The following NLN variants were observed in gnomAD, a reference collection of about 807,000 sequenced individuals.
The protein encoded by NLN is neurolysin.
Under a neutral mutation model 79.9 loss-of-function variants are expected in NLN, and 64 were observed. The observed-to-expected ratio is 0.80, with a 90% confidence interval of 0.65 to 0.99. The LOEUF is 0.99. Ranked by LOEUF, NLN falls within the 50% of genes least tolerant of loss-of-function variation. The probability of loss-of-function intolerance (pLI) is 0.00; values close to 1 mark genes in which losing one functional copy is unlikely to be tolerated. For synonymous variants in NLN, 267 were observed against 296.6 expected, an observed-to-expected ratio of 0.90 and a Z score of 1.02; for missense variants, 835 against 858.7, an observed-to-expected ratio of 0.97 and a Z score of 0.34.
At chr5:65,803,941 T>C (rs1003922108) in intron 9 of NLN, among the ~76,000 whole-genome samples, 8 of 152,224 alleles carry the variant, frequency 5.3e-5, no homozygotes, top group African/African-American at 1.7e-4. Flanking sequence ...AAGTTCAGGA[T>C]AGATGGTTAC....
intron 5 of NLN, among the ~76,000 whole-genome samples, chr5:65,781,029 A>G (rs1759789462): frequency 6.6e-6 from 1 of 152,134 alleles, no homozygotes; most frequent in Non-Finnish European, 1.5e-5. Flanking sequence ...TCATTTGCAC[A>G]AGTTTACTGA....
chr5:65,787,886 A>G (rs1759965912), intron 7 of NLN, among the ~76,000 whole-genome samples: 1 of 152,194 alleles, frequency 6.6e-6, no homozygotes, highest in South Asian at 2.1e-4. Flanking sequence ...GGGTGTTAAA[A>G]GAAAAAGGGG....
intron 1 of NLN, chr5:65,722,654 A>T: frequency 1.9e-6 from 1 of 516,488 alleles, no homozygotes; most frequent in South Asian, 2.4e-5. Context: ...GGACTGCCTC[A>T]GCCGCAGTCA....
chr5:65,772,242 A>G (rs915937626), intron 3 of NLN, among the ~76,000 whole-genome samples: 1 of 152,160 alleles, frequency 6.6e-6, no homozygotes, highest in African/African-American at 2.4e-5. Flanking sequence ...GATGTTATCT[A>G]TTAATATGTC....
At chr5:65,808,017 C>T (rs1305878237) in intron 9 of NLN, among the ~76,000 whole-genome samples, 1 of 152,036 alleles carries the variant, frequency 6.6e-6, no homozygotes, top group Non-Finnish European at 1.5e-5. Flanking sequence ...TATCATATAC[C>T]ATAATGAGAT....
rs1466263605 is a variant in NLN, at chr5:65,734,277, G to A, written c.41+11863G>A. Among the ~76,000 whole-genome samples the A allele has an allele frequency of 1.4e-5, 2 of 139,414 alleles. 1 individual carries two copies. Among genetic ancestry groups the A allele is most frequent in the Middle Eastern group, 6.8e-3 (2 of 292 alleles). The allele number at this position is 139,414 out of a possible 152,430, so 91.5% of individuals were successfully genotyped here. ...GGCCTTCCACAGTGCTGGGTTTACA[G>A]GCATGAGCAGCCTGGCCCGGTCAGG... On this transcript the variant is annotated intron_variant, in intron 1 of 12. Coordinates refer to ENST00000380985, the MANE Select transcript of NLN (RefSeq NM_020726.5).
At chr5:65,791,613 C>T (rs952259443) in intron 8 of NLN, among the ~76,000 whole-genome samples, 16 of 151,996 alleles carry the variant, frequency 1.1e-4, no homozygotes, top group Non-Finnish European at 1.9e-4. Flanking sequence ...ATACCAGCTA[C>T]TCAGGAGGCA....
chr5:65,799,935 C>A (rs1760247947), intron 9 of NLN, among the ~76,000 whole-genome samples: 1 of 152,052 alleles, frequency 6.6e-6, no homozygotes, highest in Admixed American at 6.5e-5. Context: ...AAATACCTTG[C>A]CTTGTTATAT....
intron 1 of NLN, among the ~76,000 whole-genome samples, chr5:65,743,835 A>C (rs1242129949): frequency 6.6e-6 from 1 of 152,146 alleles, no homozygotes. Context: ...AAAGACACAA[A>C]TCTGGTCTAA....
intron 1 of NLN, among the ~76,000 whole-genome samples, chr5:65,756,723 G>A (rs766152808): frequency 2.6e-5 from 4 of 152,020 alleles, no homozygotes; most frequent in South Asian, 2.1e-4. Flanking sequence ...GGCTGGTCTC[G>A]AACCCTGGAC....
At chr5:65,744,929 T>C (rs771949739) in intron 1 of NLN, among the ~76,000 whole-genome samples, 21 of 152,138 alleles carry the variant, frequency 1.4e-4, no homozygotes, top group Admixed American at 2.6e-4. Flanking sequence ...ATAAAAGATG[T>C]AGATTATTTG....
intron 3 of NLN, among the ~76,000 whole-genome samples, chr5:65,776,574 C>T (rs185807939): frequency 3.3e-4 from 50 of 152,306 alleles, no homozygotes; most frequent in Admixed American, 9.1e-4. Flanking sequence ...AAACTGAATC[C>T]ATTACACCTG....
Position 65,825,686 on chromosome 5 carries a change from C to T in NLN, c.*2771C>T, listed in dbSNP as rs1210771737. The T allele has an allele frequency of 2.0e-5, 3 of 152,042 alleles. No individual in the cohort carries two copies. Among genetic ancestry groups the T allele is most frequent in the Non-Finnish European group, 2.9e-5 (2 of 68,012 alleles). The allele number at this position is 152,042 out of a possible 1,614,324, so 9.4% of individuals were successfully genotyped here. ...TGAGAGGTGGATATCTGTAGCTCTT[C>T]GGATGAAAAATTGCATTGTGGGAGA... On this transcript the variant is annotated 3_prime_UTR_variant, in exon 13 of 13. Coordinates refer to ENST00000380985, the MANE Select transcript of NLN (RefSeq NM_020726.5).
chr5:65,773,012 G>A (rs1302367373), intron 3 of NLN, among the ~76,000 whole-genome samples: 1 of 150,964 alleles, frequency 6.6e-6, no homozygotes. Context: ...GAATACAGTG[G>A]CACAGTCACA....
chr5:65,799,708 T>C (rs1760242427), intron 9 of NLN, among the ~76,000 whole-genome samples: 1 of 152,204 alleles, frequency 6.6e-6, no homozygotes, highest in Admixed American at 6.5e-5. Flanking sequence ...TATTCAAAAC[T>C]TCTCCAAATT....
intron 1 of NLN, among the ~76,000 whole-genome samples, chr5:65,736,191 C>T (rs889582034): frequency 2.6e-5 from 4 of 152,158 alleles, no homozygotes; most frequent in Admixed American, 2.0e-4. Context: ...ATAAACATTA[C>T]AACAAATGTA....
intron 1 of NLN, among the ~76,000 whole-genome samples, chr5:65,730,841 C>G (rs921569504): frequency 6.6e-6 from 1 of 152,142 alleles, no homozygotes; most frequent in Non-Finnish European, 1.5e-5. Flanking sequence ...CGTGAGCCAC[C>G]GTGCCTGGCC....
intron 12 of NLN, chr5:65,818,717 G>C (rs1760727497): frequency 6.6e-6 from 1 of 152,496 alleles, no homozygotes; most frequent in East Asian, 1.9e-4. Flanking sequence ...CTTTAGAGCA[G>C]GCTGGTGAGC....
At chr5:65,778,196 A>G (rs1265097146) in intron 4 of NLN, among the ~76,000 whole-genome samples, 1 of 152,232 alleles carries the variant, frequency 6.6e-6, no homozygotes, top group African/African-American at 2.4e-5. Flanking sequence ...ATGAGAGATT[A>G]GCTGCTGAAA....
Sources: allele counts gnomAD v4.1 joint callset (sites outside exome capture counted in the v4.1 genomes callset), GRCh38; gene constraint gnomAD v4.1.1; transcripts MANE v1.5; gene names NCBI Gene and HGNC (gene_info 2026-07-23, HGNC 2026-07-21).